PSMA3: variants seen among roughly 807,000 people sequenced by gnomAD.
The protein encoded by PSMA3 is proteasome subunit alpha type-3.
A neutral mutation model predicts 40.0 loss-of-function variants in PSMA3; 8 were observed. The ratio of observed to expected loss-of-function variants is 0.20; its 90% CI spans 0.12 to 0.36. PSMA3 has a LOEUF of 0.36. Ranked by LOEUF, PSMA3 falls within the 10% of genes least tolerant of loss-of-function variation. The probability of loss-of-function intolerance (pLI) is 1.00; values close to 1 mark genes in which losing one functional copy is unlikely to be tolerated. For missense variants in PSMA3, 219 were observed against 310.6 expected, an observed-to-expected ratio of 0.70 and a Z score of 2.22; for synonymous variants, 110 against 100.0, an observed-to-expected ratio of 1.10 and a Z score of -0.59.
At chr14:58,251,453 G>A (rs1488708898) in intron 2 of PSMA3, among the ~76,000 whole-genome samples, 1 of 152,044 alleles carries the variant, frequency 6.6e-6, no homozygotes, top group Non-Finnish European at 1.5e-5. Context: ...GCCTGGCTAA[G>A]CCAGGTTTCG....
rs1253599775 is a variant in PSMA3, at chr14:58,244,914, T to A, written c.-7T>A. On this transcript the variant is annotated 5_prime_UTR_variant, in exon 1 of 11. Transcript: ENST00000216455. ...GAATCCCTACGCGTCCCTTTGGGTT[T>A]AGCACGATGAGCTCAATCGGCACTG... 3 of 1,614,188 alleles carry A rather than the reference T, an allele frequency of 1.9e-6. No individual in the cohort carries two copies. Among genetic ancestry groups the A allele is most frequent in the Non-Finnish European group, 1.7e-6 (2 of 1,180,024 alleles).
intron 2 of PSMA3, 57 bp from the exon 3 acceptor site, chr14:58,252,056 CTTAAGT>C: frequency 3.3e-6 from 5 of 1,521,602 alleles, no homozygotes; most frequent in Non-Finnish European, 4.4e-6. Context: ...TTTTGTTAAA[CTTAAGT>C]TTATGAAGTT....
At chr14:58,265,370 A>G (rs1890407882) in intron 7 of PSMA3, 1 of 151,844 alleles carries the variant, frequency 6.6e-6, no homozygotes, top group East Asian at 1.9e-4. Context: ...AAAAATCAAG[A>G]AAAAAAAATC....
At position 58,254,340 on chromosome 14, in the gene PSMA3, A is replaced by ATATATATGTATG; in HGVS notation, c.228+2101_228+2102insATATGTATGTAT. ...TGAAAAAAATTATGCATGCATATATATATGTATGTACACACACACAGAGGT... is the reference window on the plus strand; with the variant it reads ...TGAAAAAAATTATGCATGCATATATATATATATGTATGTATGTATGTACACACACACAGAGGT... On this transcript the variant is annotated intron_variant, in intron 3 of 10. Transcript: ENST00000216455. Among the ~76,000 whole-genome samples, 43 of 34,802 alleles carry ATATATATGTATG rather than the reference A, an allele frequency of 1.2e-3. 9 individuals carry two copies. The highest frequency in any genetic ancestry group is 2.6e-3 in the East Asian group (5 of 1,892). 22.8% of individuals were successfully genotyped at this position (34,802 alleles called of 152,430 possible).
intron 7 of PSMA3, among the ~76,000 whole-genome samples, chr14:58,264,004 C>T (rs757597805): frequency 3.3e-5 from 5 of 152,092 alleles, no homozygotes; most frequent in African/African-American, 7.2e-5. Flanking sequence ...TGGGGAAGCT[C>T]GGTGTAAGGA....
rs749644838 is a variant in PSMA3, at chr14:58,252,228, C to T, written c.214C>T (p.Arg72Trp). 19 of 1,606,622 alleles carry T rather than the reference C, an allele frequency of 1.2e-5. No homozygotes were observed. Among genetic ancestry groups the T allele is most frequent in the South Asian group, 5.6e-5 (5 of 88,808 alleles). The change falls in exon 3 of 11, where the codon CGG becomes TGG. Residue 72 changes from arginine (R) to tryptophan (W), a missense_variant. Coordinates refer to ENST00000216455, the MANE Select transcript of PSMA3 (RefSeq NM_002788.4). ...GSNKRLFNVD[R>W]HVGMAVAGLL... ...CAACAAAAGACTTTTTAATGTTGAT[C>T]GGCATGTTGGAATGGTAAGGTCATG...
At chr14:58,270,588 A>G (rs1383498004) in intron 9 of PSMA3, 103 bp downstream of exon 9, 3 of 1,554,044 alleles carry the variant, frequency 1.9e-6, no homozygotes, top group Non-Finnish European at 1.7e-6. Context: ...AAGCAAATTT[A>G]CTAGGTTGTC....
intron 2 of PSMA3, among the ~76,000 whole-genome samples, chr14:58,250,295 G>T (rs8011191): frequency 0.72 from 108,523 of 150,624 alleles, 39,653 homozygotes; most frequent in Middle Eastern, 0.87. Flanking sequence ...CCTCAGGCAA[G>T]CCTTTCACTT....
chr14:58,264,584 A>G (rs556057750), intron 7 of PSMA3: 1 of 152,364 alleles, frequency 6.6e-6, no homozygotes, highest in South Asian at 2.1e-4. Context: ...TTTCACATAC[A>G]TTTAATGTTA....
chr14:58,257,353 C>T (rs968471324), intron 3 of PSMA3, among the ~76,000 whole-genome samples: 30 of 151,832 alleles, frequency 2.0e-4, no homozygotes, highest in African/African-American at 6.8e-4. Context: ...AAAAAATTAG[C>T]CGGGCGTGGT....
At chr14:58,256,575 G>A (rs1223611407) in intron 3 of PSMA3, among the ~76,000 whole-genome samples, 1 of 151,734 alleles carries the variant, frequency 6.6e-6, no homozygotes, top group African/African-American at 2.4e-5. Flanking sequence ...AACCACGCCT[G>A]GCTAATTTTT....
At chr14:58,264,370 C>T (rs1000717297) in intron 7 of PSMA3, among the ~76,000 whole-genome samples, 4 of 152,194 alleles carry the variant, frequency 2.6e-5, no homozygotes, top group African/African-American at 4.8e-5. Flanking sequence ...TACACTCTTA[C>T]GACTACCCAC....
rs1239999248 is a variant in PSMA3 at position 58,258,014 on chromosome 14, AATT to A, written c.404+20_404+22del. 1 of 1,588,704 alleles carries A rather than the reference AATT, an allele frequency of 6.3e-7. No homozygotes were observed. The highest frequency in any genetic ancestry group is 1.1e-5 in the South Asian group (1 of 90,560). On this transcript the variant is annotated intron_variant, in intron 5 of 10. Transcript: ENST00000216455. Reference sequence around the variant, plus strand: ...TTGGCTGCAGGTAAGAAATTTTGTGAATTATTCAAAAGGCAGATCTGTACTATA... The same window carrying A: ...TTGGCTGCAGGTAAGAAATTTTGTGAATTCAAAAGGCAGATCTGTACTATA...
At chr14:58,245,898 A>C (rs1214086918) in intron 1 of PSMA3, among the ~76,000 whole-genome samples, 1 of 152,254 alleles carries the variant, frequency 6.6e-6, no homozygotes, top group Non-Finnish European at 1.5e-5. Context: ...CCATTCAGTT[A>C]TGAATGCTAA....
intron 3 of PSMA3, among the ~76,000 whole-genome samples, chr14:58,255,710 G>A (rs71414196): frequency 0.043 from 6,543 of 152,196 alleles, 218 homozygotes; most frequent in Middle Eastern, 0.065. Context: ...TGGAGGTTGC[G>A]GTGAGCCGCG....
At chr14:58,260,900 CTT>C in intron 5 of PSMA3, 46 bp from the exon 6 acceptor site, 1 of 1,337,306 alleles carries the variant, frequency 7.5e-7, no homozygotes, top group East Asian at 2.4e-5. Flanking sequence ...TTCACAAATA[CTT>C]TTATGTTATT....
intron 5 of PSMA3, chr14:58,258,225 C>T (rs1287564980): frequency 8.9e-6 from 4 of 449,084 alleles, no homozygotes; most frequent in East Asian, 3.3e-5. Flanking sequence ...ATCCCTCGCG[C>T]CCAGGAGTAT....
chr14:58,247,656 C>T (rs1294663316), intron 1 of PSMA3, 94 bp from the exon 2 acceptor site: 23 of 781,492 alleles, frequency 2.9e-5, no homozygotes, highest in Non-Finnish European at 4.2e-5. Context: ...TGGGATATAA[C>T]AGGTTCCTGA....
intron 6 of PSMA3, among the ~76,000 whole-genome samples, chr14:58,261,800 G>C (rs1426631714): frequency 6.6e-6 from 1 of 152,020 alleles, no homozygotes; most frequent in Admixed American, 6.6e-5. Context: ...GGTGTCTATA[G>C]AGACAAGGTC....
Sources: gnomAD v4.1 joint callset for allele counts (sites outside exome capture counted in the v4.1 genomes callset) on GRCh38, gnomAD v4.1.1 for gene constraint, MANE v1.5 for transcripts, NCBI Gene and HGNC (gene_info 2026-07-23, HGNC 2026-07-21) for gene names.